The following ABTB2 variants were observed in gnomAD, a reference collection of about 807,000 sequenced individuals.
ABTB2 encodes the protein ankyrin repeat and BTB domain containing 2, also known as ankyrin repeat and BTB/POZ domain-containing protein 2.
A neutral mutation model predicts 104.1 loss-of-function variants in ABTB2; 56 were observed. The ratio of observed to expected loss-of-function variants is 0.54; its 90% CI spans 0.43 to 0.67. The LOEUF is 0.67. Ranked by LOEUF, ABTB2 falls within the 30% of genes least tolerant of loss-of-function variation. The pLI is 0.00. For synonymous variants in ABTB2, 606 were observed against 608.2 expected (o/e 1.00, Z 0.05); for missense variants, 1,279 against 1,407.7 (o/e 0.91, Z 1.46).
At chr11:34,327,888 G>T (rs1232674133) in intron 1 of ABTB2, among the ~76,000 whole-genome samples, 1 of 152,086 alleles carries the variant, frequency 6.6e-6, no homozygotes, top group Non-Finnish European at 1.5e-5. Flanking sequence ...CGTGTACATG[G>T]TTAGAATGCA....
chr11:34,350,214 C>T (rs142538532), intron 1 of ABTB2, among the ~76,000 whole-genome samples: 7 of 152,222 alleles, frequency 4.6e-5, no homozygotes, highest in Admixed American at 6.5e-5. Context: ...AGTCAGCAGC[C>T]GGACACCATG....
chr11:34,195,088 T>TG (rs1565137708), intron 3 of ABTB2, among the ~76,000 whole-genome samples: 3 of 33,250 alleles, frequency 9.0e-5, no homozygotes, highest in East Asian at 6.8e-4. Flanking sequence ...GGGGGGGGAG[T>TG]GGGGGCGGGA....
intron 1 of ABTB2, among the ~76,000 whole-genome samples, chr11:34,235,579 G>A (rs1182463363): frequency 1.3e-5 from 2 of 152,124 alleles, no homozygotes; most frequent in Non-Finnish European, 2.9e-5. Flanking sequence ...CCACAGGAAG[G>A]GGAGCGGGGG....
intron 1 of ABTB2, among the ~76,000 whole-genome samples, chr11:34,229,495 A>T (rs576707780): frequency 3.3e-5 from 5 of 152,016 alleles, no homozygotes; most frequent in African/African-American, 1.2e-4. Flanking sequence ...AAAAAAAAAA[A>T]AGAAAGAAAA....
intron 3 of ABTB2, among the ~76,000 whole-genome samples, chr11:34,186,474 A>G (rs1853100704): frequency 6.6e-6 from 1 of 152,220 alleles, no homozygotes; most frequent in Non-Finnish European, 1.5e-5. Flanking sequence ...AGAAAGCAAA[A>G]TCAATTCCCT....
At chr11:34,319,475 G>A (rs1270083954) in intron 1 of ABTB2, among the ~76,000 whole-genome samples, 1 of 152,170 alleles carries the variant, frequency 6.6e-6, no homozygotes, top group African/African-American at 2.4e-5. Flanking sequence ...GGACAAAAAG[G>A]GAACAGCCAA....
At chr11:34,173,471 G>A (rs1852915170) in intron 3 of ABTB2, among the ~76,000 whole-genome samples, 164 bp from the exon 4 acceptor site, 1 of 152,100 alleles carries the variant, frequency 6.6e-6, no homozygotes, top group Non-Finnish European at 1.5e-5. Flanking sequence ...CCTAGAGAGA[G>A]TGCTCCCTGA....
chr11:34,262,003 C>T (rs1221039676), intron 1 of ABTB2, among the ~76,000 whole-genome samples: 3 of 152,172 alleles, frequency 2.0e-5, no homozygotes, highest in South Asian at 4.1e-4. Flanking sequence ...CCTGAAATGC[C>T]ACCATACCCC....
At chr11:34,281,096 A>G (rs1425776999) in intron 1 of ABTB2, among the ~76,000 whole-genome samples, 3 of 152,110 alleles carry the variant, frequency 2.0e-5, no homozygotes, top group Admixed American at 6.6e-5. Flanking sequence ...GCATTCCAGG[A>G]ATGGGAACCT....
At position 34,162,823 on chromosome 11, in the gene ABTB2, A is replaced by G; in HGVS notation, c.1989-18T>C. The G allele has an allele frequency of 1.9e-6, 3 of 1,587,246 alleles. No homozygotes were observed. The highest frequency in any genetic ancestry group is 2.6e-6 in the Non-Finnish European group (3 of 1,173,316). On this transcript the variant is annotated intron_variant, in intron 9 of 16. Coordinates refer to ENST00000435224, the MANE Select transcript of ABTB2 (RefSeq NM_145804.3). The stretch of plus-strand genomic sequence containing the variant: ...GGACGTTCCTGCAGGCCCAGGGATG[A>G]ATGAAGGTGAGGGCTGAAGTCCCAC...
At chr11:34,334,127 G>T (rs558870109) in intron 1 of ABTB2, among the ~76,000 whole-genome samples, 2 of 151,910 alleles carry the variant, frequency 1.3e-5, no homozygotes, top group East Asian at 3.9e-4. Flanking sequence ...CAACCCAAAC[G>T]TTTCCTTCTC....
At chr11:34,269,810 GC>G (rs1223432520) in intron 1 of ABTB2, among the ~76,000 whole-genome samples, 1 of 152,218 alleles carries the variant, frequency 6.6e-6, no homozygotes, top group African/African-American at 2.4e-5. Context: ...GGTTGTGTGT[GC>G]TTCCACAGCC....
intron 1 of ABTB2, among the ~76,000 whole-genome samples, chr11:34,230,669 G>A (rs1216587911): frequency 6.6e-6 from 1 of 152,106 alleles, no homozygotes; most frequent in Non-Finnish European, 1.5e-5. Flanking sequence ...GATGCCACAG[G>A]ACCTTCCATG....
In ABTB2 at chr11:34,152,194, C is replaced by T; in HGVS notation, c.*193G>A. On this transcript the variant is annotated 3_prime_UTR_variant, in exon 17 of 17. Transcript: ENST00000435224. ...CAGTTAGCTACATCTCCCCTTTGCCCATCAGTGATTGAACAAACAGCTCTA... is the reference window on the plus strand; with the variant it reads ...CAGTTAGCTACATCTCCCCTTTGCCTATCAGTGATTGAACAAACAGCTCTA... 2 of 633,274 alleles carry T rather than the reference C, an allele frequency of 3.2e-6. No homozygotes were observed. The highest frequency in any genetic ancestry group is 2.7e-6 in the Non-Finnish European group (1 of 370,526). The allele number at this position is 633,274 out of a possible 1,614,324, so 39.2% of individuals were successfully genotyped here. A position where few individuals can be genotyped will look rare whatever the true frequency, so the allele number is the denominator to read the frequency against.
At position 34,347,878 on chromosome 11, in the gene ABTB2, TA is replaced by T. The variant is rs1264522507; in HGVS notation, c.883+8822del. Among the ~76,000 whole-genome samples the T allele has an allele frequency of 2.6e-5, 4 of 152,110 alleles. No homozygotes were observed. In the South Asian group the frequency reaches 6.2e-4, roughly 24 times the overall value. The stretch of plus-strand genomic sequence containing the variant: ...GAATATCGTATACATCAGTCGGACT[TA>T]ACACCGAAAAAAAAAAGTTCTGGGA... On this transcript the variant is annotated intron_variant, in intron 1 of 16. Coordinates refer to ENST00000435224, the MANE Select transcript of ABTB2 (RefSeq NM_145804.3).
chr11:34,169,773 C>G (rs1852845022), intron 5 of ABTB2, among the ~76,000 whole-genome samples: 1 of 152,114 alleles, frequency 6.6e-6, no homozygotes, highest in Non-Finnish European at 1.5e-5. Flanking sequence ...CTGCCCCACC[C>G]CACACTCCTT....
At chr11:34,182,938 G>A (rs1400119431) in intron 3 of ABTB2, among the ~76,000 whole-genome samples, 1 of 152,098 alleles carries the variant, frequency 6.6e-6, no homozygotes, top group Non-Finnish European at 1.5e-5. Flanking sequence ...ACCTGCCAAG[G>A]AGCAGAGCTG....
chr11:34,323,071 T>G (rs1214113821), intron 1 of ABTB2, among the ~76,000 whole-genome samples: 2 of 152,146 alleles, frequency 1.3e-5, no homozygotes, highest in Non-Finnish European at 2.9e-5. Context: ...CATGCCCGGC[T>G]AATTTTTGTA....
At chr11:34,200,344 A>T (rs1251819247) in intron 2 of ABTB2, among the ~76,000 whole-genome samples, 1 of 152,232 alleles carries the variant, frequency 6.6e-6, no homozygotes, top group Non-Finnish European at 1.5e-5. Flanking sequence ...TGCTTCATGT[A>T]GACAAGAAAA....
Sources: allele counts gnomAD v4.1 joint callset (sites outside exome capture counted in the v4.1 genomes callset), GRCh38; gene constraint gnomAD v4.1.1; transcripts MANE v1.5; gene names NCBI Gene and HGNC (gene_info 2026-07-23, HGNC 2026-07-21).